Variants in CEP162 observed in about 807,000 individuals in gnomAD.
CEP162 encodes centrosomal protein of 162 kDa.
In CEP162, 141 loss-of-function variants were observed where a neutral mutation model predicts 169.2. The ratio of observed to expected loss-of-function variants is 0.83; its 90% CI spans 0.73 to 0.96. The LOEUF (loss-of-function observed/expected upper bound fraction) is 0.96. Among genes scored for constraint, CEP162 ranks in the 40% least tolerant of loss-of-function variants. CEP162 has a pLI of 0.00. For synonymous variants in CEP162, 540 were observed against 526.4 expected (o/e 1.03, Z -0.35); for missense variants, 1,600 against 1,587.2 (o/e 1.01, Z -0.14).
At chr6:84,214,265 C>T (rs62449315) in intron 5 of CEP162, among the ~76,000 whole-genome samples, 7 of 152,248 alleles carry the variant, frequency 4.6e-5, no homozygotes, top group Middle Eastern at 3.4e-3. Flanking sequence ...GGCGACAGAG[C>T]GAGACTCCGT....
chr6:84,188,176 T>C (rs576772284), intron 11 of CEP162, among the ~76,000 whole-genome samples: 29 of 148,844 alleles, frequency 1.9e-4, no homozygotes, highest in Non-Finnish European at 5.9e-5. Flanking sequence ...GAACTGCAAA[T>C]AAACGCAGAG....
chr6:84,165,110 C>T lies in CEP162; in HGVS notation c.2386-1840G>A, dbSNP rs528312913. On this transcript the variant is annotated intron_variant, in intron 18 of 26. Transcript: ENST00000403245. Reference sequence around the variant, plus strand: ...GTGCTTTGGGACCCAGATAGCCAGGCAGTTTCCTCCCTCACTTCATCAGGA... The same window carrying T: ...GTGCTTTGGGACCCAGATAGCCAGGTAGTTTCCTCCCTCACTTCATCAGGA... Among the ~76,000 whole-genome samples the T allele has an allele frequency of 6.6e-5, 10 of 151,790 alleles. No homozygotes were observed. In the East Asian group the frequency reaches 1.8e-3, roughly 27 times the overall value.
Position 84,205,907 on chromosome 6 carries a change from A to G in CEP162, c.572-1811T>C, listed in dbSNP as rs111593370. ...CAAAATCAATGTGCAAAAATCACAA[A>G]CATTCCTATACACCAATAACAGACA... On this transcript the variant is annotated intron_variant, in intron 6 of 26. Coordinates refer to ENST00000403245, the MANE Select transcript of CEP162 (RefSeq NM_014895.4). Among the ~76,000 whole-genome samples the G allele has an allele frequency of 9.8e-3, 1,397 of 142,454 alleles. 147 individuals are homozygous for G. Among genetic ancestry groups the G allele is most frequent in the African/African-American group, 0.041 (1,311 of 32,346 alleles). The allele number at this position is 142,454 out of a possible 152,430, so 93.5% of individuals were successfully genotyped here. A position where few individuals can be genotyped will look rare whatever the true frequency, so the allele number is the denominator to read the frequency against.
intron 25 of CEP162, among the ~76,000 whole-genome samples, chr6:84,143,638 G>C (rs2099517637): frequency 6.6e-6 from 1 of 151,838 alleles, no homozygotes; most frequent in East Asian, 1.9e-4. Flanking sequence ...GAGAGAAAGA[G>C]AAAGTGAGAA....
In CEP162 at chr6:84,147,099, C is replaced by T. The variant is rs147932209; in HGVS notation, c.3772-314G>A. ...CAAAGATATGGAATCAATCTAAGTT[C>T]CCATCAACAGACGAAAAGAAATGTG... On this transcript the variant is annotated intron_variant, in intron 24 of 26. Coordinates refer to ENST00000403245, the MANE Select transcript of CEP162 (RefSeq NM_014895.4). 6.0e-4 allele frequency among the ~76,000 whole-genome samples: 92 copies of T among 152,130 alleles called. No individual in the cohort carries two copies. In the East Asian group the frequency reaches 0.015, roughly 25 times the overall value.
chr6:84,200,883 G>T lies in CEP162; in HGVS notation c.741C>A (p.Asp247Glu). 1 of 1,605,648 alleles carries T rather than the reference G, an allele frequency of 6.2e-7. No individual in the cohort carries two copies. The highest frequency in any genetic ancestry group is 8.5e-7 in the Non-Finnish European group (1 of 1,173,030). ...LANVVLLDSL[D>E]SVAEVNLDEQ... Reference sequence around the variant, plus strand: ...CATCAAGATTGACCTCTGCAACAGAGTCTAATGAATCAAGCAGCACAACTG... The same window carrying T: ...CATCAAGATTGACCTCTGCAACAGATTCTAATGAATCAAGCAGCACAACTG... Residue 247 changes from aspartate (D) to glutamate (E), a missense_variant, in exon 9 of 27, where the codon GAC becomes GAA. Coordinates refer to ENST00000403245, the MANE Select transcript of CEP162 (RefSeq NM_014895.4).
chr6:84,178,373 A>G (rs1377999797), intron 13 of CEP162, among the ~76,000 whole-genome samples: 1 of 152,188 alleles, frequency 6.6e-6, no homozygotes, highest in Non-Finnish European at 1.5e-5. Flanking sequence ...CTGGAAATGA[A>G]GATGAAACAA....
At chr6:84,128,446 G>C (rs2099509816) in intron 25 of CEP162, among the ~76,000 whole-genome samples, 1 of 151,954 alleles carries the variant, frequency 6.6e-6, no homozygotes, top group Admixed American at 6.6e-5. Context: ...CAACAATAGG[G>C]GATTTGTGAA....
chr6:84,158,095 G>A (rs193132154), intron 21 of CEP162, among the ~76,000 whole-genome samples: 1 of 152,266 alleles, frequency 6.6e-6, no homozygotes, highest in Admixed American at 6.5e-5. Flanking sequence ...CTATATACCT[G>A]CTTTTTAAAA....
rs867855462 is a variant in CEP162 at position 84,180,113 on chromosome 6, G to A, written c.1664-4766C>T. On this transcript the variant is annotated intron_variant, in intron 13 of 26. Coordinates refer to ENST00000403245, the MANE Select transcript of CEP162 (RefSeq NM_014895.4). ...ATCCTCAATGAAATACTGGCAAACC[G>A]AATCCAGCAGCACATCAAAAAGCTT... Among the ~76,000 whole-genome samples, 18 of 152,186 alleles carry A rather than the reference G, an allele frequency of 1.2e-4. No individual in the cohort carries two copies. The Middle Eastern group carries it at 0.01, about 86-fold the overall frequency.
intron 21 of CEP162, among the ~76,000 whole-genome samples, chr6:84,156,060 C>A (rs2099523029): frequency 6.6e-6 from 1 of 151,508 alleles, no homozygotes; most frequent in Non-Finnish European, 1.5e-5. Context: ...AATAGAGAAC[C>A]CAAAAATTAA....
intron 18 of CEP162, among the ~76,000 whole-genome samples, chr6:84,167,814 G>C (rs982351697): frequency 2.6e-5 from 4 of 152,142 alleles, no homozygotes; most frequent in Admixed American, 2.6e-4. Context: ...CAGAGACCAA[G>C]TTAAGACAGA....
intron 2 of CEP162, among the ~76,000 whole-genome samples, chr6:84,224,090 T>C (rs555411187): frequency 6.6e-6 from 1 of 152,306 alleles, no homozygotes; most frequent in South Asian, 2.1e-4. Flanking sequence ...TACATGATTG[T>C]TCATGGCAGC....
At chr6:84,141,334 A>C (rs2099516532) in intron 25 of CEP162, among the ~76,000 whole-genome samples, 1 of 152,184 alleles carries the variant, frequency 6.6e-6, no homozygotes, top group Non-Finnish European at 1.5e-5. Flanking sequence ...AATTTAAAAG[A>C]GGGCATAAAA....
chr6:84,165,589 C>T (rs941946207), intron 18 of CEP162, among the ~76,000 whole-genome samples: 1 of 152,044 alleles, frequency 6.6e-6, no homozygotes, highest in Admixed American at 6.6e-5. Context: ...GAAGGCTCTA[C>T]GGGGACCAAC....
intron 22 of CEP162, 93 bp downstream of exon 22, chr6:84,155,205 T>C: frequency 5.3e-6 from 5 of 940,218 alleles, no homozygotes; most frequent in Non-Finnish European, 8.1e-6. Flanking sequence ...TGGGAAAGAA[T>C]GTTTATAGCT....
At chr6:84,192,689 A>G (rs946462797) in intron 11 of CEP162, among the ~76,000 whole-genome samples, 1 of 152,242 alleles carries the variant, frequency 6.6e-6, no homozygotes, top group African/African-American at 2.4e-5. Context: ...TGAATGGATG[A>G]CAGACTATTT....
intron 18 of CEP162, among the ~76,000 whole-genome samples, chr6:84,167,576 T>G (rs1225867037): frequency 2.6e-5 from 4 of 152,206 alleles, no homozygotes; most frequent in African/African-American, 9.6e-5. Context: ...GTGGGAATAC[T>G]GTGTTGCTTG....
intron 25 of CEP162, among the ~76,000 whole-genome samples, chr6:84,144,755 ACTGT>A (rs1430200052): frequency 6.6e-6 from 1 of 152,140 alleles, no homozygotes; most frequent in Non-Finnish European, 1.5e-5. Context: ...CTTTTTAGGG[ACTGT>A]CTGTTTAAAA....
Sources: gnomAD v4.1 joint callset for allele counts (sites outside exome capture counted in the v4.1 genomes callset) on GRCh38, gnomAD v4.1.1 for gene constraint, MANE v1.5 for transcripts, NCBI Gene and HGNC (gene_info 2026-07-23, HGNC 2026-07-21) for gene names.